Variants in APOOL observed in about 807,000 individuals in gnomAD.
APOOL encodes apolipoprotein O like, also known as MICOS complex subunit MIC27.
A neutral mutation model predicts 23.1 loss-of-function variants in APOOL; 12 were observed. The observed-to-expected ratio is 0.52, with a 90% CI of 0.33 to 0.84. APOOL has a LOEUF of 0.84. APOOL is among the 40% of genes least tolerant of loss of function. The probability of loss-of-function intolerance (pLI) is 0.02; values close to 1 mark genes in which losing one functional copy is unlikely to be tolerated. For synonymous variants in APOOL, 77 were observed against 69.9 expected, an observed-to-expected ratio of 1.10 and a Z score of -0.51; for missense variants, 212 against 199.6, an observed-to-expected ratio of 1.06 and a Z score of -0.37.
intron 5 of APOOL, among the ~76,000 whole-genome samples, chrX:85,060,163 G>A (rs1357383904): frequency 6.5e-5 from 7 of 107,030 alleles, no homozygotes; most frequent in Non-Finnish European, 1.2e-4. Flanking sequence ...GTTTTTCTCA[G>A]GTTTGTCAAA....
At chrX:85,043,897 A>G (rs755158841) in intron 1 of APOOL, among the ~76,000 whole-genome samples, 24 of 111,979 alleles carry the variant, frequency 2.1e-4, no homozygotes, top group Admixed American at 4.7e-4. Flanking sequence ...TTAATTGCCT[A>G]TGTACCAAGT....
intron 1 of APOOL, among the ~76,000 whole-genome samples, chrX:85,026,063 T>C (rs886205981): frequency 8.8e-6 from 1 of 113,393 alleles, no homozygotes; most frequent in Non-Finnish European, 1.9e-5. Flanking sequence ...GGCTTTCTCA[T>C]ATATCCTCAG....
At chrX:85,055,782 A>C in intron 4 of APOOL, 45 bp from the exon 5 acceptor site, 1 of 921,029 alleles carries the variant, frequency 1.1e-6, no homozygotes, top group Non-Finnish European at 1.5e-6. Context: ...TAGAATATCC[A>C]GTAGAATTCA....
At chrX:85,058,918 G>A (rs928488581) in intron 5 of APOOL, among the ~76,000 whole-genome samples, 5 of 109,419 alleles carry the variant, frequency 4.6e-5, no homozygotes, top group Non-Finnish European at 7.6e-5. Flanking sequence ...GGATACATGT[G>A]CACAACGTGC....
Position 85,053,346 on chromosome X carries a change from G to A in APOOL, c.241-998G>A, listed in dbSNP as rs192848775. Among the ~76,000 whole-genome samples, 368 of 111,815 alleles carry A rather than the reference G, an allele frequency of 3.3e-3. 2 individuals are homozygous for A. The highest frequency in any genetic ancestry group is 0.011 in the African/African-American group (352 of 30,938). ...GAAAAGTAGTTCAATAGCAGTTAGC[G>A]TTTATGCTGATTTGTACAATTTTAA... On this transcript the variant is annotated intron_variant, in intron 3 of 8. Transcript: ENST00000373173.
intron 5 of APOOL, among the ~76,000 whole-genome samples, chrX:85,061,339 T>G (rs1240057984): frequency 9.0e-6 from 1 of 111,514 alleles, no homozygotes; most frequent in African/African-American, 3.3e-5. Context: ...GGTCTAAAAT[T>G]CTTGTTTTCC....
intron 1 of APOOL, among the ~76,000 whole-genome samples, chrX:85,028,013 A>G: frequency 9.0e-6 from 1 of 111,697 alleles, no homozygotes; most frequent in Middle Eastern, 4.6e-3. Context: ...GCCCAGCAGT[A>G]TGATTGCTGA....
chrX:85,033,902 C>G (rs934540588), intron 1 of APOOL, among the ~76,000 whole-genome samples: 4 of 111,355 alleles, frequency 3.6e-5, no homozygotes, highest in African/African-American at 1.3e-4. Flanking sequence ...TTTCTTAACT[C>G]TTCTATTCCT....
At chrX:85,083,332 A>C (rs562844030) in intron 8 of APOOL, among the ~76,000 whole-genome samples, 2 of 111,666 alleles carry the variant, frequency 1.8e-5, no homozygotes, top group Non-Finnish European at 3.8e-5. Flanking sequence ...TACAATAACT[A>C]TAATTAATAT....
chrX:85,008,195 C>A (rs1921142640), intron 1 of APOOL, among the ~76,000 whole-genome samples: 2 of 110,993 alleles, frequency 1.8e-5, no homozygotes, highest in South Asian at 7.6e-4. Flanking sequence ...ATTTGATATA[C>A]ATATATTTTG....
At chrX:85,070,983 T>TA (rs1167214697) in intron 6 of APOOL, among the ~76,000 whole-genome samples, 1 of 111,858 alleles carries the variant, frequency 8.9e-6, no homozygotes, top group Non-Finnish European at 1.9e-5. Flanking sequence ...GACTGCTATT[T>TA]AACCATTAAA....
At chrX:85,011,137 A>G (rs1235187340) in intron 1 of APOOL, among the ~76,000 whole-genome samples, 2 of 111,623 alleles carry the variant, frequency 1.8e-5, no homozygotes, top group East Asian at 5.6e-4. Context: ...GGACATTTGC[A>G]TATTTTGAGA....
intron 1 of APOOL, among the ~76,000 whole-genome samples, chrX:85,019,285 T>C (rs1404422561): frequency 1.8e-5 from 2 of 112,146 alleles, no homozygotes; most frequent in Non-Finnish European, 3.8e-5. Flanking sequence ...TATTGAGTCA[T>C]GAGGGCTCTG....
intron 1 of APOOL, among the ~76,000 whole-genome samples, chrX:85,011,821 G>T (rs1464054530): frequency 9.0e-6 from 1 of 111,611 alleles, no homozygotes; most frequent in East Asian, 2.8e-4. Context: ...CTTCAGCTAT[G>T]TGGGCTCTTT....
intron 2 of APOOL, among the ~76,000 whole-genome samples, chrX:85,049,545 A>G (rs902556388): frequency 9.0e-6 from 1 of 111,496 alleles, no homozygotes; most frequent in African/African-American, 3.3e-5. Flanking sequence ...GCACTTTAGG[A>G]TGCCAAGGCG....
intron 5 of APOOL, among the ~76,000 whole-genome samples, chrX:85,059,217 T>G (rs764543698): frequency 0.011 from 1,206 of 110,660 alleles, 23 homozygotes; most frequent in African/African-American, 0.038. Flanking sequence ...TCATCATTTT[T>G]TATGGCTGCA....
rs374210132 is a variant in APOOL, at chrX:85,074,288, C to T, written c.615C>T (p.Ser205=). 9.1e-6 allele frequency: 11 copies of T among 1,208,743 alleles called. No homozygotes were observed. Among genetic ancestry groups the T allele is most frequent in the African/African-American group, 7.0e-5 (4 of 57,123 alleles). ...TTGGTAAACAGCTAGGATCCTCTTC[C>T]GAAATAGAAGTACCTGCAAAAACAA... ...PKEKTKLGSS[S]EIEVPAKTTH... Residue 205 remains serine, a synonymous_variant, in exon 8 of 9, where the codon TCC becomes TCT. Coordinates refer to ENST00000373173, the MANE Select transcript of APOOL (RefSeq NM_198450.6).
Position 85,069,993 on chromosome X carries a change from G to T in APOOL, c.486+2775G>T, listed in dbSNP as rs756461981. Reference sequence around the variant, plus strand: ...ATTTTATCATATTAAGTTACATTTAGACTGTTTAATTATAAGTAAAACTGA... The same window carrying T: ...ATTTTATCATATTAAGTTACATTTATACTGTTTAATTATAAGTAAAACTGA... On this transcript the variant is annotated intron_variant, in intron 6 of 8. Coordinates refer to ENST00000373173, the MANE Select transcript of APOOL (RefSeq NM_198450.6). 9.4e-4 allele frequency among the ~76,000 whole-genome samples: 104 copies of T among 110,897 alleles called. 2 individuals carry two copies. Among genetic ancestry groups the T allele is most frequent in the Non-Finnish European group, 1.4e-3 (74 of 52,964 alleles).
chrX:85,085,604 G>A (rs752653838), intron 8 of APOOL, among the ~76,000 whole-genome samples: 80 of 111,926 alleles, frequency 7.1e-4, no homozygotes, highest in Non-Finnish European at 1.3e-3. Flanking sequence ...TATAAAACTG[G>A]AAATTAAATT....
Sources: gnomAD v4.1 joint callset for allele counts (sites outside exome capture counted in the v4.1 genomes callset) on GRCh38, gnomAD v4.1.1 for gene constraint, MANE v1.5 for transcripts, NCBI Gene and HGNC (gene_info 2026-07-23, HGNC 2026-07-21) for gene names.